Variants in PTK2B observed in about 807,000 individuals in gnomAD.
The protein encoded by PTK2B is protein-tyrosine kinase 2-beta.
PTK2B carries 71 observed loss-of-function variants against 142.9 expected under a neutral mutation model. The observed-to-expected ratio is 0.50, with a 90% CI of 0.41 to 0.61. The LOEUF (loss-of-function observed/expected upper bound fraction) is 0.61. Among genes scored for constraint, PTK2B ranks in the 20% least tolerant of loss-of-function variants. The pLI, the probability that PTK2B is intolerant of heterozygous loss-of-function variation, is 0.00. For synonymous variants in PTK2B, 519 were observed against 503.4 expected (o/e 1.03, Z -0.42); for missense variants, 1,105 against 1,320.4 (o/e 0.84, Z 2.53).
upstream of PTK2B, chr8:27,310,731 G>C (rs553016839): frequency 9.4e-6 from 14 of 1,482,732 alleles, no homozygotes; most frequent in Non-Finnish European, 1.3e-5. Context: ...GGAGGGGCGG[G>C]AGCCGCAGAG....
chr8:27,393,075 CTG>C (rs1807823098), intron 1 of PTK2B, among the ~76,000 whole-genome samples: 1 of 152,134 alleles, frequency 6.6e-6, no homozygotes, highest in African/African-American at 2.4e-5. Context: ...GTGGGAGAAA[CTG>C]TGGGTTTTGA....
At position 27,364,665 on chromosome 8, in the gene PTK2B, T is replaced by C. The variant is rs567964771; in HGVS notation, c.-37-32883T>C. Among the ~76,000 whole-genome samples the C allele has an allele frequency of 5.4e-4, 83 of 152,322 alleles. No individual in the cohort carries two copies. In the South Asian group the frequency reaches 6.4e-3, roughly 12 times the overall value. ...GACTTTCCCACTTTGTCTACCTGCATATGAGTGATCCCAGAACCTTCCAGC... is the reference window on the plus strand; with the variant it reads ...GACTTTCCCACTTTGTCTACCTGCACATGAGTGATCCCAGAACCTTCCAGC... On this transcript the variant is annotated intron_variant, in intron 1 of 30. Coordinates refer to ENST00000346049, the MANE Select transcript of PTK2B (RefSeq NM_173176.3).
chr8:27,385,025 C>A (rs1807257383), intron 1 of PTK2B, among the ~76,000 whole-genome samples: 1 of 152,180 alleles, frequency 6.6e-6, no homozygotes, highest in Non-Finnish European at 1.5e-5. Context: ...GAGCCCACAC[C>A]TGTAGCCCCT....
chr8:27,437,017 C>T (rs187807873), intron 15 of PTK2B, 105 bp from the exon 16 acceptor site: 4 of 1,095,294 alleles, frequency 3.7e-6, no homozygotes, highest in East Asian at 4.7e-5. Context: ...AGAAAGGGCC[C>T]TTTCCTGGCA....
At chr8:27,421,841 C>T (rs1022943336) in intron 4 of PTK2B, among the ~76,000 whole-genome samples, 4 of 152,216 alleles carry the variant, frequency 2.6e-5, no homozygotes, top group African/African-American at 4.8e-5. Flanking sequence ...CAGAGCAAAG[C>T]GCAGCATCAG....
intron 1 of PTK2B, among the ~76,000 whole-genome samples, chr8:27,381,869 A>G (rs1188638051): frequency 6.6e-6 from 1 of 152,152 alleles, no homozygotes; most frequent in Non-Finnish European, 1.5e-5. Context: ...GTGAGATGCT[A>G]TCTCATTGTA....
intron 3 of PTK2B, among the ~76,000 whole-genome samples, chr8:27,314,866 G>A (rs1803059528): frequency 6.6e-6 from 1 of 152,156 alleles, no homozygotes; most frequent in South Asian, 2.1e-4. Context: ...GCTTGAATCC[G>A]GGAGGTGGCA....
At chr8:27,387,974 C>T (rs918670993) in intron 1 of PTK2B, among the ~76,000 whole-genome samples, 9 of 152,202 alleles carry the variant, frequency 5.9e-5, no homozygotes, top group Non-Finnish European at 1.2e-4. Context: ...ATCCTGTGCT[C>T]AACTTGATGC....
chr8:27,318,954 C>T (rs1434908383), intron 3 of PTK2B, among the ~76,000 whole-genome samples: 2 of 150,902 alleles, frequency 1.3e-5, no homozygotes, highest in Admixed American at 6.6e-5. Flanking sequence ...CCTGGCCTTT[C>T]GTGTTGTTCT....
intron 2 of PTK2B, among the ~76,000 whole-genome samples, chr8:27,398,129 A>T (rs1808177218): frequency 6.6e-6 from 1 of 152,226 alleles, no homozygotes; most frequent in Non-Finnish European, 1.5e-5. Flanking sequence ...AAGAGTTTAC[A>T]CTCTGATGAA....
intron 1 of PTK2B, chr8:27,396,278 A>G (rs1353422099): frequency 1.3e-5 from 2 of 152,242 alleles, no homozygotes; most frequent in East Asian, 1.9e-4. Context: ...GAATAAATAC[A>G]TACAGGCTAT....
In PTK2B at chr8:27,364,375, C is replaced by T. The variant is rs148027111; in HGVS notation, c.-37-33173C>T. 2.8e-3 allele frequency among the ~76,000 whole-genome samples: 432 copies of T among 152,332 alleles called. 6 individuals carry two copies. The South Asian group carries it at 0.03, about 10-fold the overall frequency. On this transcript the variant is annotated intron_variant, in intron 1 of 30. Coordinates refer to ENST00000346049, the MANE Select transcript of PTK2B (RefSeq NM_173176.3). Reference sequence around the variant, plus strand: ...ATACAACTGGGAAAGAAGTGCGTAACGCATTATTTCCAGCTTACCAGAAAC... The same window carrying T: ...ATACAACTGGGAAAGAAGTGCGTAATGCATTATTTCCAGCTTACCAGAAAC...
intron 30 of PTK2B, among the ~76,000 whole-genome samples, chr8:27,457,928 T>A (rs2132600559): frequency 7.1e-6 from 1 of 141,616 alleles, no homozygotes; most frequent in African/African-American, 2.7e-5. Flanking sequence ...TGAGTTGAAA[T>A]TGCACCACTG....
At chr8:27,341,497 A>T (rs534743475) in intron 1 of PTK2B, among the ~76,000 whole-genome samples, 8 of 152,296 alleles carry the variant, frequency 5.3e-5, no homozygotes, top group Non-Finnish European at 8.8e-5. Flanking sequence ...ATCCACTCCC[A>T]AAAGAGCTGA....
At chr8:27,446,415 T>C (rs1811473439) in intron 24 of PTK2B, among the ~76,000 whole-genome samples, 1 of 152,198 alleles carries the variant, frequency 6.6e-6, no homozygotes, top group Non-Finnish European at 1.5e-5. Context: ...CTAGTGGGAA[T>C]ACAGCCTCAT....
intron 24 of PTK2B, among the ~76,000 whole-genome samples, chr8:27,448,911 T>C (rs556345574): frequency 6.6e-6 from 1 of 152,362 alleles, no homozygotes; most frequent in South Asian, 2.1e-4. Context: ...GATTATAAAA[T>C]ACTCTTATAT....
chr8:27,443,019 C>G (rs1243415849), intron 22 of PTK2B, 36 bp downstream of exon 22: 5 of 1,538,362 alleles, frequency 3.3e-6, no homozygotes, highest in East Asian at 4.5e-5. Flanking sequence ...TCCTGTGAGT[C>G]AAAGCAAAGC....
chr8:27,351,941 T>A (rs1173875600), intron 1 of PTK2B, among the ~76,000 whole-genome samples: 2 of 152,142 alleles, frequency 1.3e-5, no homozygotes, highest in African/African-American at 4.8e-5. Flanking sequence ...TTGAATGCCA[T>A]CCCCCGCAGA....
chr8:27,361,840 C>T (rs992779838), intron 1 of PTK2B, among the ~76,000 whole-genome samples: 13 of 152,076 alleles, frequency 8.5e-5, no homozygotes, highest in African/African-American at 1.2e-4. Flanking sequence ...CCCCCTGCTC[C>T]GCTCCACACC....
Sources: gnomAD v4.1 joint callset for allele counts (sites outside exome capture counted in the v4.1 genomes callset) on GRCh38, gnomAD v4.1.1 for gene constraint, MANE v1.5 for transcripts, NCBI Gene and HGNC (gene_info 2026-07-23, HGNC 2026-07-21) for gene names.